NELFCD: variants seen among roughly 807,000 people sequenced by gnomAD.
The protein encoded by NELFCD is negative elongation factor complex member C/D, also known as negative elongation factor C/D.
In NELFCD, 48 loss-of-function variants were observed where a neutral mutation model predicts 72.9. The observed-to-expected ratio is 0.66, with a 90% CI of 0.52 to 0.84. NELFCD has a LOEUF of 0.84. Among genes scored for constraint, NELFCD ranks in the 40% least tolerant of loss-of-function variants. The pLI is 0.00. For missense variants in NELFCD, 538 were observed against 723.8 expected (o/e 0.74, Z 2.94); for synonymous variants, 297 against 280.6 (o/e 1.06, Z -0.59).
At chr20:58,989,744 G>A (rs1261433716) in intron 6 of NELFCD, 104 bp downstream of exon 6, 1 of 1,606,708 alleles carries the variant, frequency 6.2e-7, no homozygotes, top group African/African-American at 1.3e-5. Flanking sequence ...CATTTCTGAG[G>A]GCACCTTCCA....
At position 58,990,029 on chromosome 20, in the gene NELFCD, C is replaced by T. The variant is rs181957233; in HGVS notation, c.788+41C>T. ...TCTGCTCAGCCCTTCCTTCCTAGTG[C>T]TCCCCACAAAACCCTTCCCATGGCC... On this transcript the variant is annotated intron_variant, in intron 7 of 14. Coordinates refer to ENST00000652272, the MANE Select transcript of NELFCD (RefSeq NM_198976.4). 2.9e-3 allele frequency: 4,630 copies of T among 1,601,982 alleles called. 41 individuals carry two copies. Among genetic ancestry groups the T allele is most frequent in the Non-Finnish European group, 2.5e-3 (2,978 of 1,177,524 alleles).
At position 58,986,436 on chromosome 20, in the gene NELFCD, G is replaced by C. The variant is rs1489919011; in HGVS notation, c.176+228G>C. On this transcript the variant is annotated intron_variant, in intron 2 of 14. Transcript: ENST00000652272. The surrounding 1 kb of genome is among the most constrained non-coding windows in gnomAD (Gnocchi z 4.4). The stretch of plus-strand genomic sequence containing the variant: ...CGCTCACTGCAGCTTCAGCCTCCTG[G>C]AATCAAGCAGTTCTCCCACCTCAGC... 3.6e-6 allele frequency: 2 copies of C among 557,296 alleles called. No homozygotes were observed. The highest frequency in any genetic ancestry group is 6.2e-5 in the East Asian group (2 of 32,134). 34.5% of individuals were successfully genotyped at this position (557,296 alleles called of 1,614,324 possible). A position where few individuals can be genotyped will look rare whatever the true frequency, so the allele number is the denominator to read the frequency against.
chr20:58,990,019 C>T (rs374402949), intron 7 of NELFCD, 31 bp downstream of exon 7: 11 of 1,605,106 alleles, frequency 6.9e-6, no homozygotes, highest in Non-Finnish European at 9.3e-6. Flanking sequence ...TCAGCCCTTC[C>T]TTCCTAGTGC....
Position 58,986,221 on chromosome 20 carries a change from G to C in NELFCD, c.176+13G>C. On this transcript the variant is annotated intron_variant, in intron 2 of 14. Coordinates refer to ENST00000652272, the MANE Select transcript of NELFCD (RefSeq NM_198976.4). This position sits in a 1 kb window ranked among gnomAD's most constrained non-coding sequence, Gnocchi z 4.4. ...ACACTCTGAAGAGGTATGTGAGAAA[G>C]GTGTCTGTATTGGGAGGAGGCTGGG... 6.4e-7 allele frequency: 1 copy of C among 1,552,296 alleles called. No homozygotes were observed. The highest frequency in any genetic ancestry group is 1.7e-5 in the Admixed American group (1 of 59,944).
At position 58,993,603 on chromosome 20, in the gene NELFCD, C is replaced by T. The variant is rs767473669; in HGVS notation, c.1441-21C>T. On this transcript the variant is annotated intron_variant, in intron 12 of 14. Coordinates refer to ENST00000652272, the MANE Select transcript of NELFCD (RefSeq NM_198976.4). The surrounding 1 kb of genome is among the most constrained non-coding windows in gnomAD (Gnocchi z 5.0). The stretch of plus-strand genomic sequence containing the variant: ...GAGGAGGACCCTCTCTAACCAGCTC[C>T]CTGTCCCCCTTCTTCTGTAGCTTGA... 1.9e-6 allele frequency: 3 copies of T among 1,614,204 alleles called. No individual in the cohort carries two copies. The highest frequency in any genetic ancestry group is 2.5e-6 in the Non-Finnish European group (3 of 1,180,012).
chr20:58,989,651 TC>T lies in NELFCD; in HGVS notation c.657+12del. 1 of 1,614,206 alleles carries T rather than the reference TC, an allele frequency of 6.2e-7. No individual in the cohort carries two copies. The highest frequency in any genetic ancestry group is 1.1e-5 in the South Asian group (1 of 91,092). Reference sequence around the variant, plus strand: ...CTCCCTGAGTTTGCCGTAAGTTCTTTCTTTATGAACCTCAGATTAGAAGGAG... The same window carrying T: ...CTCCCTGAGTTTGCCGTAAGTTCTTTTTTATGAACCTCAGATTAGAAGGAG... On this transcript the variant is annotated intron_variant, in intron 6 of 14. Coordinates refer to ENST00000652272, the MANE Select transcript of NELFCD (RefSeq NM_198976.4).
At position 58,986,599 on chromosome 20, in the gene NELFCD, TC is replaced by T; in HGVS notation, c.177-152del. 2 of 689,850 alleles carry T rather than the reference TC, an allele frequency of 2.9e-6. No homozygotes were observed. Among genetic ancestry groups the T allele is most frequent in the Non-Finnish European group, 5.2e-6 (2 of 385,344 alleles). The allele number at this position is 689,850 out of a possible 1,614,324, so 42.7% of individuals were successfully genotyped here. On this transcript the variant is annotated intron_variant, in intron 2 of 14. Transcript: ENST00000652272. The surrounding 1 kb of genome is among the most constrained non-coding windows in gnomAD (Gnocchi z 4.4). Reference sequence around the variant, plus strand: ...CTCAAGTGATTCTCCCACCTCTGCCTCCCAAAGTGCTGGGATTACAGGTGTG... The same window carrying T: ...CTCAAGTGATTCTCCCACCTCTGCCTCCAAAGTGCTGGGATTACAGGTGTG...
At chr20:58,982,140 ATTTTTTTTTTTTTTTTTTTT>A (rs751696443) in intron 1 of NELFCD, among the ~76,000 whole-genome samples, 16 of 68,402 alleles carry the variant, frequency 2.3e-4, no homozygotes, top group East Asian at 1.9e-3. Flanking sequence ...GGGAACTTGC[ATTTTTTTTTTTTTTTTTTTT>A]TTTTTTTTTT....
chr20:58,991,024 C>T lies in NELFCD; in HGVS notation c.903C>T (p.Ile301=). The T allele has an allele frequency of 6.2e-7, 1 of 1,614,244 alleles. No individual in the cohort carries two copies. The highest frequency in any genetic ancestry group is 8.5e-7 in the Non-Finnish European group (1 of 1,180,048). The change falls in exon 8 of 15, where the codon ATC becomes ATT. Residue 301 remains isoleucine (I), a synonymous_variant. Coordinates refer to ENST00000652272, the MANE Select transcript of NELFCD (RefSeq NM_198976.4). ...AAGGAGCCCTGAACCCTGCTGACAT[C>T]ACCGTCCTGTTCAAGATGTTCACAA... ...LSKGALNPAD[I]TVLFKMFTSM...
At chr20:58,982,051 A>G (rs879128683) in intron 1 of NELFCD, among the ~76,000 whole-genome samples, 5 of 150,780 alleles carry the variant, frequency 3.3e-5, no homozygotes, top group African/African-American at 9.7e-5. Flanking sequence ...TAAAGACCCA[A>G]CTGAGGCGCA....
rs139760905 is a variant in NELFCD, at chr20:58,982,389, C to T, written c.60+1020C>T. ...GCCAGGCTGGTCTCAAACTCTTGAC[C>T]TCAGGTGATCCACCCACCTCTGCCT... On this transcript the variant is annotated intron_variant, in intron 1 of 14. Coordinates refer to ENST00000652272, the MANE Select transcript of NELFCD (RefSeq NM_198976.4). Among the ~76,000 whole-genome samples the T allele has an allele frequency of 7.2e-3, 1,097 of 152,112 alleles. 15 individuals are homozygous for T. Among genetic ancestry groups the T allele is most frequent in the African/African-American group, 0.025 (1,051 of 41,494 alleles).
intron 3 of NELFCD, chr20:58,987,293 C>T (rs1009305188): frequency 8.0e-6 from 2 of 248,890 alleles, no homozygotes; most frequent in Non-Finnish European, 1.5e-5. Context: ...GTGCAGATGA[C>T]ATCACTGAAG....
At chr20:58,985,210 G>T (rs1419509679) in intron 1 of NELFCD, among the ~76,000 whole-genome samples, 1 of 152,154 alleles carries the variant, frequency 6.6e-6, no homozygotes, top group South Asian at 2.1e-4. Context: ...GGCTGGATTC[G>T]GCTCTGGGTC....
At position 58,994,110 on chromosome 20, in the gene NELFCD, G is replaced by A. The variant is rs370660207; in HGVS notation, c.1582G>A (p.Val528Met). 1.2e-6 allele frequency: 2 copies of A among 1,614,034 alleles called. No homozygotes were observed. Among genetic ancestry groups the A allele is most frequent in the Non-Finnish European group, 1.7e-6 (2 of 1,180,000 alleles). The stretch of plus-strand genomic sequence containing the variant: ...AGTCACCCTGTGCTCCCCCACGCAG[G>A]TGCTGGACGTCATTGCTCCTCCTTA... The part of the protein sequence containing the change: ...ISLIRYFVTE[V>M]LDVIAPPYTS... Residue 528 changes from valine (V) to methionine (M), a missense_variant and splice_region_variant, in exon 14 of 15, where the codon GTG becomes ATG. Val to Met is a conservative substitution (Grantham distance 21). Around this residue, in one of 3 missense-constraint regions of NELFCD, gnomAD observed 136 missense variants for 154.0 expected, o/e 0.88. Transcript: ENST00000652272.
intron 8 of NELFCD, 74 bp downstream of exon 8, chr20:58,991,149 C>G: frequency 6.4e-7 from 1 of 1,569,442 alleles, no homozygotes; most frequent in Non-Finnish European, 8.7e-7. Flanking sequence ...GTCTGATTGT[C>G]TGAAGGCTGT....
At chr20:58,990,675 C>G in intron 7 of NELFCD, 1 of 427,720 alleles carries the variant, frequency 2.3e-6, no homozygotes, top group Non-Finnish European at 4.2e-6. Context: ...TTATTTTCTG[C>G]TACCAATAGA....
chr20:58,987,091 C>G (rs1019790386), intron 3 of NELFCD: 8 of 489,122 alleles, frequency 1.6e-5, no homozygotes, highest in Non-Finnish European at 2.9e-5. Context: ...AGCCTGCAAA[C>G]GTGATTCTCA....
chr20:58,986,560 C>A lies in NELFCD; in HGVS notation c.177-194C>A. 1.7e-6 allele frequency: 1 copy of A among 604,828 alleles called. No homozygotes were observed. The highest frequency in any genetic ancestry group is 3.2e-5 in the Admixed American group (1 of 30,968). 37.5% of individuals were successfully genotyped at this position (604,828 alleles called of 1,614,324 possible). A position where few individuals can be genotyped will look rare whatever the true frequency, so the allele number is the denominator to read the frequency against. On this transcript the variant is annotated intron_variant, in intron 2 of 14. Coordinates refer to ENST00000652272, the MANE Select transcript of NELFCD (RefSeq NM_198976.4). This position sits in a 1 kb window ranked among gnomAD's most constrained non-coding sequence, Gnocchi z 4.4. ...GGCTCCTTACGTTGCCCTGGCTGCTCTTGAACTCCTAGGCTCAAGTGATTC... is the reference window on the plus strand; with the variant it reads ...GGCTCCTTACGTTGCCCTGGCTGCTATTGAACTCCTAGGCTCAAGTGATTC...
chr20:58,994,077 G>A lies in NELFCD; in HGVS notation c.1582-33G>A, dbSNP rs199930504. 1.4e-4 allele frequency: 224 copies of A among 1,612,186 alleles called. No individual in the cohort carries two copies. The African/African-American group carries it at 2.4e-3, about 17-fold the overall frequency. The stretch of plus-strand genomic sequence containing the variant: ...GTCGGTGGATGCCCCGCACTAGTGT[G>A]CGGAAGAAGTCACCCTGTGCTCCCC... On this transcript the variant is annotated intron_variant, in intron 13 of 14. Coordinates refer to ENST00000652272, the MANE Select transcript of NELFCD (RefSeq NM_198976.4).
Sources: gnomAD v4.1 joint callset for allele counts (sites outside exome capture counted in the v4.1 genomes callset) on GRCh38, gnomAD v4.1.1 for gene constraint, gnomAD v4.1.1 regional missense constraint, Gnocchi (gnomAD v3.1) non-coding constraint, MANE v1.5 for transcripts, NCBI Gene and HGNC (gene_info 2026-07-23, HGNC 2026-07-21) for gene names.